Variants in ZNFX1 observed in about 807,000 individuals in gnomAD.
ZNFX1 encodes the protein zinc finger NFX1-type containing 1, also known as NFX1-type zinc finger-containing protein 1.
Under a neutral mutation model 179.8 loss-of-function variants are expected in ZNFX1, and 78 were observed. That is an observed-to-expected ratio of 0.43 (90% CI 0.36 to 0.52). ZNFX1 has a LOEUF of 0.52. Ranked by LOEUF, ZNFX1 falls within the 20% of genes least tolerant of loss-of-function variation. ZNFX1 has a pLI of 0.00. For missense variants in ZNFX1, 1,927 were observed against 2,386.6 expected (o/e 0.81, Z 4.01); for synonymous variants, 848 against 868.5 (o/e 0.98, Z 0.42).
At chr20:49,266,374 T>A in intron 3 of ZNFX1, 108 bp from the exon 4 acceptor site, 1 of 1,120,302 alleles carries the variant, frequency 8.9e-7, no homozygotes, top group Non-Finnish European at 1.2e-6. Flanking sequence ...TAAGATAGTT[T>A]AAAATCTAAG....
At chr20:49,254,088 G>A (rs1247512427) in intron 10 of ZNFX1, among the ~76,000 whole-genome samples, 4 of 151,276 alleles carry the variant, frequency 2.6e-5, no homozygotes, top group Admixed American at 6.6e-5. Context: ...GTGCAGTGGT[G>A]CGATCTCAGC....
Position 49,249,396 on chromosome 20 carries a change from A to G in ZNFX1, c.3628T>C (p.Phe1210Leu). ...CAGATGCGGTTGGATATCTGCAGAA[A>G]ACCCACCTTGCCTTCTTGGTTGCTC... The part of the protein sequence containing the change: ...VRSNQEGKVG[F>L]LQISNRICVA... Residue 1210 changes from phenylalanine (F) to leucine (L), a missense_variant, in exon 14 of 14, where the codon TTT (phenylalanine) becomes CTT (leucine). Coordinates refer to ENST00000396105, the MANE Select transcript of ZNFX1 (RefSeq NM_021035.3). 1 of 1,614,238 alleles carries G rather than the reference A, an allele frequency of 6.2e-7. No individual in the cohort carries two copies. Among genetic ancestry groups the G allele is most frequent in the Non-Finnish European group, 8.5e-7 (1 of 1,180,056 alleles).
In ZNFX1 at chr20:49,247,508, A is replaced by G. The variant is rs775181490; in HGVS notation, c.5516T>C (p.Ile1839Thr). 6.2e-7 allele frequency: 1 copy of G among 1,614,164 alleles called. No individual in the cohort carries two copies. The change falls in exon 14 of 14, where the codon ATA becomes ACA. Residue 1839 changes from isoleucine (I) to threonine (T), a missense_variant. Coordinates refer to ENST00000396105, the MANE Select transcript of ZNFX1 (RefSeq NM_021035.3). Reference protein sequence around the residue: ...EEERVQIVSAIGYPRGHWFKC... With the variant: ...EEERVQIVSATGYPRGHWFKC... ...GAACCAGTGACCACGAGGATAACCT[A>G]TGGCACTGACAATCTGCACTCGCTC...
Position 49,270,437 on chromosome 20 carries a change from C to T in ZNFX1, c.1375G>A (p.Asp459Asn), listed in dbSNP as rs757665825. ...GCAAAAAGAAATGTCTCGAAGTTGTCCTTGGACATGCATACCAAAGACCCA... is the reference window on the plus strand; with the variant it reads ...GCAAAAAGAAATGTCTCGAAGTTGTTCTTGGACATGCATACCAAAGACCCA... ...LYGSLVCMSK[D>N]NFETFLFATV... The change falls in exon 3 of 14, where the codon GAC (aspartate) becomes AAC (asparagine). Residue 459 changes from aspartate (D) to asparagine (N), a missense_variant. Transcript: ENST00000396105. This position sits in a 1 kb window ranked among gnomAD's most constrained non-coding sequence, Gnocchi z 4.6. 2.5e-6 allele frequency: 4 copies of T among 1,614,210 alleles called. No homozygotes were observed. The highest frequency in any genetic ancestry group is 3.4e-6 in the Non-Finnish European group (4 of 1,180,046).
chr20:49,257,619 G>C lies in ZNFX1; in HGVS notation c.2462C>G (p.Ser821Trp). 6.2e-7 allele frequency: 1 copy of C among 1,613,590 alleles called. No individual in the cohort carries two copies. Among genetic ancestry groups the C allele is most frequent in the South Asian group, 1.1e-5 (1 of 91,050 alleles). The change falls in exon 8 of 14, where the codon TCG becomes TGG. Residue 821 changes from serine (S) to tryptophan (W), a missense_variant. Ser to Trp is a radical substitution (Grantham distance 177). Transcript: ENST00000396105. ...DEEEEGEEES[S>W]LIEIAEEADL... ...AGCTTCCTCTGCGATCTCTATCAGC[G>C]AACTCTCCTCCTCCCCTTCTTCCTC...
At chr20:49,262,833 A>T (rs551200092) in intron 6 of ZNFX1, among the ~76,000 whole-genome samples, 2 of 152,314 alleles carry the variant, frequency 1.3e-5, no homozygotes, top group East Asian at 3.9e-4. Context: ...CTGCATGACT[A>T]TATCTATCAA....
chr20:49,268,476 T>C (rs1434284959), intron 3 of ZNFX1, among the ~76,000 whole-genome samples: 1 of 152,110 alleles, frequency 6.6e-6, no homozygotes, highest in Non-Finnish European at 1.5e-5. Context: ...GGAGGAATGT[T>C]ATTAACTAAA....
chr20:49,249,795 T>TTA, intron 13 of ZNFX1, 84 bp from the exon 14 acceptor site: 1 of 1,446,554 alleles, frequency 6.9e-7, no homozygotes, highest in Non-Finnish European at 9.4e-7. Context: ...CACTGGCCAC[T>TTA]TACTCTGCTC....
chr20:49,267,671 GC>G (rs1981273764), intron 3 of ZNFX1, among the ~76,000 whole-genome samples: 1 of 152,006 alleles, frequency 6.6e-6, no homozygotes. Context: ...TTAGAGAGTG[GC>G]ACCTGGGGAG....
chr20:49,269,988 A>C lies in ZNFX1; in HGVS notation c.1824T>G (p.Phe608Leu), dbSNP rs769183088. 6.2e-7 allele frequency: 1 copy of C among 1,613,322 alleles called. No individual in the cohort carries two copies. Residue 608 changes from phenylalanine to leucine, a missense_variant, in exon 3 of 14, where the codon TTT (phenylalanine) becomes TTG (leucine). By Grantham distance (22) the Phe-to-Leu change is conservative. Transcript: ENST00000396105. ...TAATAGCCAGTTCCCTTGTGAGAGC[A>C]AACTGCAAGGCTTCCATCTGGGAGT... ...LDDSQMEALQFALTRELAIIQ... is the reference protein window; with the variant it reads ...LDDSQMEALQLALTRELAIIQ...
rs1379339267 is a variant in ZNFX1, at chr20:49,246,769, C to T, written c.*498G>A. The T allele has an allele frequency of 2.3e-6, 1 of 438,510 alleles. No individual in the cohort carries two copies. Among genetic ancestry groups the T allele is most frequent in the African/African-American group, 2.0e-5 (1 of 48,958 alleles). The allele number at this position is 438,510 out of a possible 1,614,324, so 27.2% of individuals were successfully genotyped here. A position where few individuals can be genotyped will look rare whatever the true frequency, so the allele number is the denominator to read the frequency against. On this transcript the variant is annotated 3_prime_UTR_variant, in exon 14 of 14. Transcript: ENST00000396105. ...AGATTTGTTAACTTTGCTCTCAGTT[C>T]TGGAGATAAAGTGCTTACTCTAGCG...
chr20:49,252,024 T>C (rs1360823826), intron 12 of ZNFX1, among the ~76,000 whole-genome samples: 2 of 151,828 alleles, frequency 1.3e-5, no homozygotes, highest in East Asian at 3.9e-4. Flanking sequence ...GCAGAGACAG[T>C]GTTTCGCCAT....
chr20:49,255,188 C>T (rs554413676), intron 9 of ZNFX1, among the ~76,000 whole-genome samples: 195 of 152,062 alleles, frequency 1.3e-3, no homozygotes, highest in African/African-American at 4.7e-3. Flanking sequence ...GGATTATAGG[C>T]ACCGGCCACC....
intron 4 of ZNFX1, among the ~76,000 whole-genome samples, chr20:49,265,723 A>T (rs1981218610): frequency 2.0e-5 from 3 of 152,268 alleles, no homozygotes; most frequent in Admixed American, 2.0e-4. Flanking sequence ...TTATAAAAAA[A>T]TAAAAAATGC....
intron 6 of ZNFX1, among the ~76,000 whole-genome samples, chr20:49,262,578 TTAA>T (rs1393920049): frequency 6.6e-6 from 1 of 152,186 alleles, no homozygotes; most frequent in Non-Finnish European, 1.5e-5. Flanking sequence ...TCTCCGCTTC[TTAA>T]TATTTCAAAT....
chr20:49,266,083 T>A, intron 4 of ZNFX1, 52 bp downstream of exon 4: 1 of 1,586,604 alleles, frequency 6.3e-7, no homozygotes, highest in Non-Finnish European at 8.5e-7. Context: ...AAGTTGCTGA[T>A]GGTTCAATCA....
At chr20:49,264,335 T>C (rs1034788268) in intron 5 of ZNFX1, among the ~76,000 whole-genome samples, 2 of 152,178 alleles carry the variant, frequency 1.3e-5, no homozygotes, top group Non-Finnish European at 2.9e-5. Context: ...TGGGAGAGAC[T>C]TCAAGGCTCA....
rs71647791 is a variant in ZNFX1 at position 49,246,872 on chromosome 20, ATTTT to A, written c.*391_*394del. Reference sequence around the variant, plus strand: ...GTAGGTGCTAAGACTAAAAAGAATGATTTTTTTTTTTTTGAGACAGAGTCTTGCT... The same window carrying A: ...GTAGGTGCTAAGACTAAAAAGAATGATTTTTTTTTGAGACAGAGTCTTGCT... On this transcript the variant is annotated 3_prime_UTR_variant, in exon 14 of 14. Coordinates refer to ENST00000396105, the MANE Select transcript of ZNFX1 (RefSeq NM_021035.3). The A allele has an allele frequency of 4.7e-6, 2 of 427,822 alleles. No individual in the cohort carries two copies. The highest frequency in any genetic ancestry group is 7.4e-5 in the East Asian group (1 of 13,594). The allele number at this position is 427,822 out of a possible 1,614,324, so 26.5% of individuals were successfully genotyped here.
rs377104657 is a variant in ZNFX1 at position 49,248,573 on chromosome 20, G to A, written c.4451C>T (p.Pro1484Leu). Residue 1484 changes from proline (P) to leucine (L), a missense_variant, in exon 14 of 14, where the codon CCA (proline) becomes CTA (leucine). By Grantham distance (98) the Pro-to-Leu change is moderately conservative. Transcript: ENST00000396105. This position sits in a 1 kb window ranked among gnomAD's most constrained non-coding sequence, Gnocchi z 4.6. Reference sequence around the variant, plus strand: ...GTTCTGACAGGTCCGCTGGCAGGGTGGGCACTCACCAATGCATGGTTCCTG... The same window carrying A: ...GTTCTGACAGGTCCGCTGGCAGGGTAGGCACTCACCAATGCATGGTTCCTG... Reference protein sequence around the residue: ...KCQEPCIGECPPCQRTCQNRC... With the variant: ...KCQEPCIGECLPCQRTCQNRC... 5.6e-6 allele frequency: 9 copies of A among 1,614,058 alleles called. No individual in the cohort carries two copies. Among genetic ancestry groups the A allele is most frequent in the African/African-American group, 4.0e-5 (3 of 74,932 alleles).
Sources: allele counts gnomAD v4.1 joint callset (sites outside exome capture counted in the v4.1 genomes callset), GRCh38; gene constraint gnomAD v4.1.1; non-coding constraint Gnocchi (gnomAD v3.1); transcripts MANE v1.5; gene names NCBI Gene and HGNC (gene_info 2026-07-23, HGNC 2026-07-21).